ADAM7: variants seen among roughly 807,000 people sequenced by gnomAD.
ADAM7 encodes the protein ADAM metallopeptidase domain 7.
A neutral mutation model predicts 102.9 loss-of-function variants in ADAM7; 97 were observed. The ratio of observed to expected loss-of-function variants is 0.94; its 90% CI spans 0.80 to 1.12. The LOEUF is 1.12. Ranked by LOEUF, ADAM7 falls within the 50% of genes most tolerant of loss-of-function variation. The pLI is 0.00. For synonymous variants in ADAM7, 334 were observed against 304.4 expected (o/e 1.10, Z -1.01); for missense variants, 991 against 908.7 (o/e 1.09, Z -1.16).
chr8:24,483,195 A>G (rs1820019174), intron 9 of ADAM7, among the ~76,000 whole-genome samples: 4 of 152,200 alleles, frequency 2.6e-5, no homozygotes, highest in South Asian at 2.1e-4. Context: ...GACCATTTTT[A>G]TCATTTTTGT....
intron 6 of ADAM7, among the ~76,000 whole-genome samples, chr8:24,468,289 T>G (rs2129383047): frequency 6.7e-6 from 1 of 148,260 alleles, no homozygotes; most frequent in African/African-American, 2.5e-5. Context: ...ACTCAGTAAA[T>G]GAAAAAAAAA....
intron 1 of ADAM7, 128 bp downstream of exon 1, chr8:24,441,288 G>C: frequency 2.3e-6 from 2 of 866,534 alleles, no homozygotes; most frequent in Non-Finnish European, 3.7e-6. Flanking sequence ...GCTTCGACTA[G>C]ATTACAGCTA....
intron 20 of ADAM7, among the ~76,000 whole-genome samples, chr8:24,502,552 G>T (rs936352251): frequency 1.3e-5 from 2 of 151,786 alleles, no homozygotes; most frequent in African/African-American, 4.8e-5. Flanking sequence ...AATCAGAAAG[G>T]CAACATCAAT....
intron 20 of ADAM7, among the ~76,000 whole-genome samples, chr8:24,504,274 C>T (rs774766118): frequency 1.2e-4 from 18 of 151,732 alleles, no homozygotes; most frequent in Non-Finnish European, 1.9e-4. Flanking sequence ...GACTGAGGCA[C>T]CAAGAACCTC....
chr8:24,482,835 A>G (rs1820007243), intron 9 of ADAM7, among the ~76,000 whole-genome samples: 1 of 152,184 alleles, frequency 6.6e-6, no homozygotes, highest in Non-Finnish European at 1.5e-5. Flanking sequence ...AAAATCTGAT[A>G]TATTCATATT....
chr8:24,498,166 A>G (rs1820623355), intron 16 of ADAM7, among the ~76,000 whole-genome samples: 1 of 151,942 alleles, frequency 6.6e-6, no homozygotes, highest in Admixed American at 6.6e-5. Context: ...AAACTCCATA[A>G]GACTTTTGAG....
chr8:24,491,801 T>C, intron 13 of ADAM7, 102 bp from the exon 14 acceptor site: 1 of 975,580 alleles, frequency 1.0e-6, no homozygotes, highest in Admixed American at 3.1e-5. Flanking sequence ...TGATCCATCC[T>C]TAAAACCTTT....
At position 24,500,170 on chromosome 8, in the gene ADAM7, T is replaced by A. The variant is rs771652644; in HGVS notation, c.1924-8T>A. The A allele has an allele frequency of 1.7e-5, 28 of 1,608,052 alleles. No homozygotes were observed. The highest frequency in any genetic ancestry group is 2.3e-5 in the Non-Finnish European group (27 of 1,176,198). On this transcript the variant is annotated splice_region_variant and splice_polypyrimidine_tract_variant and intron_variant, in intron 17 of 21. Coordinates refer to ENST00000175238, the MANE Select transcript of ADAM7 (RefSeq NM_003817.4). The stretch of plus-strand genomic sequence containing the variant: ...CATTTGAGAATATATCATTGACTGC[T>A]CTTCCAGGTGGATGGCCACGGACTC...
rs924111591 is a variant in ADAM7, at chr8:24,507,329, C to G, written c.2209-151C>G. On this transcript the variant is annotated intron_variant, in intron 20 of 21. Coordinates refer to ENST00000175238, the MANE Select transcript of ADAM7 (RefSeq NM_003817.4). The stretch of plus-strand genomic sequence containing the variant: ...TTTACAAACTGTCTTAAGCAATTTA[C>G]AAACTGTCTTGGATTTTTCATGGAG... 33 of 597,016 alleles carry G rather than the reference C, an allele frequency of 5.5e-5. 1 individual carries two copies. In the South Asian group the frequency reaches 7.8e-4, roughly 14 times the overall value. The allele number at this position is 597,016 out of a possible 1,614,324, so 37.0% of individuals were successfully genotyped here. A position where few individuals can be genotyped will look rare whatever the true frequency, so the allele number is the denominator to read the frequency against.
At chr8:24,496,155 T>C (rs1270386674) in intron 16 of ADAM7, among the ~76,000 whole-genome samples, 1 of 152,182 alleles carries the variant, frequency 6.6e-6, no homozygotes, top group Non-Finnish European at 1.5e-5. Context: ...GCTTGGGCTG[T>C]TGCTTCAGAG....
intron 8 of ADAM7, among the ~76,000 whole-genome samples, chr8:24,477,569 A>AGTGTGTGAGTGCGTGT (rs60219377): frequency 6.9e-6 from 1 of 145,570 alleles, no homozygotes; most frequent in African/African-American, 2.6e-5. Flanking sequence ...TACCCTCATC[A>AGTGTGTGAGTGCGTGT]GTGTGTGTGT....
intron 7 of ADAM7, among the ~76,000 whole-genome samples, chr8:24,470,165 C>A (rs1220998368): frequency 6.6e-6 from 1 of 151,998 alleles, no homozygotes; most frequent in Non-Finnish European, 1.5e-5. Context: ...ATAAGTAAAT[C>A]ACAAACAGAG....
chr8:24,507,580 A>G (rs1183259955), intron 21 of ADAM7, 45 bp downstream of exon 21: 1 of 1,484,422 alleles, frequency 6.7e-7, no homozygotes, highest in African/African-American at 1.4e-5. Context: ...TATTTTTCAA[A>G]TGCTGGCATA....
intron 19 of ADAM7, 21 bp downstream of exon 19, chr8:24,500,916 G>A: frequency 6.4e-7 from 1 of 1,572,558 alleles, no homozygotes; most frequent in Middle Eastern, 1.7e-4. Context: ...ATTTTTCTAT[G>A]TGTTGAAGAA....
chr8:24,463,174 G>T (rs1332546125), intron 3 of ADAM7, among the ~76,000 whole-genome samples: 1 of 152,166 alleles, frequency 6.6e-6, no homozygotes, highest in East Asian at 1.9e-4. Context: ...CTCAAAATCT[G>T]CTTGATGGAG....
At chr8:24,447,817 G>C (rs189188549) in intron 3 of ADAM7, among the ~76,000 whole-genome samples, 7 of 151,938 alleles carry the variant, frequency 4.6e-5, no homozygotes, top group African/African-American at 1.5e-4. Context: ...ACACAAAATA[G>C]CTCTGTCTCA....
At chr8:24,486,633 C>G (rs1319206117) in intron 10 of ADAM7, among the ~76,000 whole-genome samples, 2 of 152,128 alleles carry the variant, frequency 1.3e-5, no homozygotes, top group African/African-American at 4.8e-5. Context: ...AAGTCCTTAG[C>G]AGATTCGGTG....
At chr8:24,479,241 C>T (rs539091618) in intron 8 of ADAM7, among the ~76,000 whole-genome samples, 1 of 152,242 alleles carries the variant, frequency 6.6e-6, no homozygotes, top group African/African-American at 2.4e-5. Context: ...TAGGGAAGCC[C>T]TGTCCATGGG....
intron 16 of ADAM7, among the ~76,000 whole-genome samples, chr8:24,495,885 T>A (rs1820535596): frequency 6.6e-6 from 1 of 152,218 alleles, no homozygotes; most frequent in Non-Finnish European, 1.5e-5. Flanking sequence ...AAAAACCCAT[T>A]TTCTGAGGAG....
Sources: gnomAD v4.1 joint callset for allele counts (sites outside exome capture counted in the v4.1 genomes callset) on GRCh38, gnomAD v4.1.1 for gene constraint, MANE v1.5 for transcripts, NCBI Gene and HGNC (gene_info 2026-07-23, HGNC 2026-07-21) for gene names.